The following STARD13 variants were observed in gnomAD, a reference collection of about 807,000 sequenced individuals.
The protein encoded by STARD13 is StAR related lipid transfer domain containing 13, also known as stAR-related lipid transfer protein 13.
Under a neutral mutation model 106.4 loss-of-function variants are expected in STARD13, and 62 were observed. The observed-to-expected ratio is 0.58, with a 90% CI of 0.48 to 0.72. The LOEUF (loss-of-function observed/expected upper bound fraction) is 0.72, where lower values mean the gene tolerates loss of function less well. Among genes scored for constraint, STARD13 ranks in the 30% least tolerant of loss-of-function variants. The pLI is 0.00. For missense variants in STARD13, 1,387 were observed against 1,424.0 expected (o/e 0.97, Z 0.42); for synonymous variants, 565 against 553.0 (o/e 1.02, Z -0.31).
chr13:33,311,249 A>G (rs555765491), intron 1 of STARD13, among the ~76,000 whole-genome samples: 122 of 152,038 alleles, frequency 8.0e-4, no homozygotes, highest in African/African-American at 2.8e-3. Context: ...GTGAGTCATG[A>G]TTGCACCACT....
chr13:33,272,536 G>A (rs1891214762), intron 1 of STARD13: 1 of 152,168 alleles, frequency 6.6e-6, no homozygotes, highest in African/African-American at 2.4e-5. Flanking sequence ...AAACTCTGCT[G>A]ACAACCTGCC....
chr13:33,129,992 T>C lies in STARD13; in HGVS notation c.685A>G (p.Ser229Gly), dbSNP rs1163873047. 1.2e-6 allele frequency: 2 copies of C among 1,613,086 alleles called. No individual in the cohort carries two copies. Among genetic ancestry groups the C allele is most frequent in the African/African-American group, 2.7e-5 (2 of 74,924 alleles). The stretch of plus-strand genomic sequence containing the variant: ...CTGGGGGGCTGTGGGAGGCTGCTGC[T>C]GACGAGTGGGGCATCCAGCATGACC... ...NPVMLDAPLVSSSLPQPPRDV... is the reference protein window; with the variant it reads ...NPVMLDAPLVGSSLPQPPRDV... The change falls in exon 5 of 14, where the codon AGC becomes GGC. Residue 229 changes from serine to glycine, a missense_variant. Ser to Gly is a moderately conservative substitution (Grantham distance 56). Transcript: ENST00000336934.
the STARD13 span, among the ~76,000 whole-genome samples, chr13:33,388,071 T>G: frequency 1.3e-5 from 2 of 152,116 alleles, no homozygotes; most frequent in East Asian, 3.9e-4. Flanking sequence ...GAGCTAGAGT[T>G]CAATGGTGCC....
At chr13:33,202,255 A>C (rs1887093005) in intron 1 of STARD13, among the ~76,000 whole-genome samples, 1 of 152,224 alleles carries the variant, frequency 6.6e-6, no homozygotes, top group African/African-American at 2.4e-5. Flanking sequence ...GTTAATAGTT[A>C]ATCTGCTGGT....
At chr13:33,637,798 C>T in the STARD13 span, among the ~76,000 whole-genome samples, 41 of 152,176 alleles carry the variant, frequency 2.7e-4, no homozygotes, top group Admixed American at 9.8e-4. Context: ...ACAATTAATG[C>T]TAACCCAGAT....
chr13:33,392,079 T>A, the STARD13 span, among the ~76,000 whole-genome samples: 1 of 152,194 alleles, frequency 6.6e-6, no homozygotes, highest in Non-Finnish European at 1.5e-5. Flanking sequence ...ATTCAGTTGC[T>A]TAAGATTGTA....
chr13:33,491,245 A>C, the STARD13 span, among the ~76,000 whole-genome samples: 1 of 152,356 alleles, frequency 6.6e-6, no homozygotes, highest in Non-Finnish European at 1.5e-5. Flanking sequence ...ACGTGGCACC[A>C]CAGTAGACAC....
the STARD13 span, among the ~76,000 whole-genome samples, chr13:33,495,680 A>G: frequency 6.6e-6 from 1 of 151,666 alleles, no homozygotes; most frequent in Non-Finnish European, 1.5e-5. Flanking sequence ...ATTGTTTTGT[A>G]TTACTCTCTG....
chr13:33,378,797 CAA>C, the STARD13 span, among the ~76,000 whole-genome samples: 12 of 104,560 alleles, frequency 1.1e-4, no homozygotes, highest in Non-Finnish European at 1.0e-4. Flanking sequence ...CTCAAAAAAA[CAA>C]AAAAAAAAAA....
the STARD13 span, among the ~76,000 whole-genome samples, chr13:33,571,092 G>A: frequency 1.3e-5 from 2 of 152,096 alleles, no homozygotes; most frequent in African/African-American, 4.8e-5. Context: ...CCAGTCTGGT[G>A]TCTGACAGCT....
At chr13:33,190,805 C>T (rs936262739) in intron 1 of STARD13, among the ~76,000 whole-genome samples, 6 of 152,160 alleles carry the variant, frequency 3.9e-5, no homozygotes, top group African/African-American at 9.6e-5. Context: ...AGGCTAGTCT[C>T]GAACTCCTGA....
chr13:33,349,326 A>G (rs1234236694), intron 1 of STARD13: 1 of 689,180 alleles, frequency 1.5e-6, no homozygotes, highest in South Asian at 1.5e-5. Context: ...AGCAGCCAAC[A>G]TGTTGGTGAA....
At chr13:33,552,884 AT>A in the STARD13 span, among the ~76,000 whole-genome samples, 1 of 152,154 alleles carries the variant, frequency 6.6e-6, no homozygotes, top group African/African-American at 2.4e-5. Flanking sequence ...TCTAAAGTTT[AT>A]CTGGAAGATT....
intron 1 of STARD13, among the ~76,000 whole-genome samples, chr13:33,314,918 A>G (rs1200040859): frequency 1.3e-5 from 2 of 152,182 alleles, no homozygotes; most frequent in Non-Finnish European, 2.9e-5. Context: ...GTGGTTGACT[A>G]AGAATTATTT....
chr13:33,505,856 C>T, the STARD13 span, among the ~76,000 whole-genome samples: 1 of 152,134 alleles, frequency 6.6e-6, no homozygotes, highest in African/African-American at 2.4e-5. Flanking sequence ...AAAGTGTGGT[C>T]TGCAGAGTCC....
intron 1 of STARD13, among the ~76,000 whole-genome samples, chr13:33,255,171 G>T (rs1304540123): frequency 6.6e-6 from 1 of 151,734 alleles, no homozygotes; most frequent in Non-Finnish European, 1.5e-5. Flanking sequence ...CACATCCTAC[G>T]AGGGGGACCA....
chr13:33,428,417 G>A, the STARD13 span, among the ~76,000 whole-genome samples: 1 of 152,076 alleles, frequency 6.6e-6, no homozygotes, highest in African/African-American at 2.4e-5. Flanking sequence ...GGCAAACTAT[G>A]CATCCGAAAA....
At chr13:33,597,612 G>A in the STARD13 span, among the ~76,000 whole-genome samples, 11 of 151,878 alleles carry the variant, frequency 7.2e-5, no homozygotes, top group African/African-American at 2.7e-4. Context: ...TTGGGAGGCT[G>A]AGGCAGGCAG....
chr13:33,501,360 T>G, the STARD13 span, among the ~76,000 whole-genome samples: 1 of 152,266 alleles, frequency 6.6e-6, no homozygotes, highest in South Asian at 2.1e-4. Flanking sequence ...TGGTAGTTTC[T>G]TTTGCTGTGC....
Sources: allele counts gnomAD v4.1 joint callset (sites outside exome capture counted in the v4.1 genomes callset), GRCh38; gene constraint gnomAD v4.1.1; transcripts MANE v1.5; gene names NCBI Gene and HGNC (gene_info 2026-07-23, HGNC 2026-07-21).